ELK3: variants seen among roughly 807,000 people sequenced by gnomAD.
ELK3 encodes ETS transcription factor ELK3.
ELK3 carries 10 observed loss-of-function variants against 28.9 expected under a neutral mutation model. The observed-to-expected ratio is 0.35, with a 90% CI of 0.21 to 0.59. The LOEUF (loss-of-function observed/expected upper bound fraction) is 0.59, where lower values mean the gene tolerates loss of function less well. ELK3 is among the 20% of genes least tolerant of loss of function. The pLI is 0.82. For synonymous variants in ELK3, 272 were observed against 243.5 expected, an observed-to-expected ratio of 1.12 and a Z score of -1.09; for missense variants, 463 against 517.3, an observed-to-expected ratio of 0.90 and a Z score of 1.02.
chr12:96,223,760 A>G lies in ELK3; in HGVS notation c.194A>G (p.Tyr65Cys). The change falls in exon 2 of 5, where the codon TAC (tyrosine) becomes TGC (cysteine). Residue 65 changes from tyrosine (Y) to cysteine (C), a missense_variant. Coordinates refer to ENST00000228741, the MANE Select transcript of ELK3 (RefSeq NM_005230.4). ...GATAAGCTGAGCAGAGCCCTGCGAT[A>G]CTATTATGACAAGGTAAACCCTTGA... ...NYDKLSRALR[Y>C]YYDKNIIKKV... 1 of 1,614,098 alleles carries G rather than the reference A, an allele frequency of 6.2e-7. No individual in the cohort carries two copies. The highest frequency in any genetic ancestry group is 8.5e-7 in the Non-Finnish European group (1 of 1,180,036).
intron 1 of ELK3, among the ~76,000 whole-genome samples, chr12:96,218,316 A>G (rs12828252): frequency 0.37 from 56,277 of 152,090 alleles, 11,049 homozygotes; most frequent in East Asian, 0.59. Context: ...TAAGAGCAGC[A>G]ATGCCTTTAA....
chr12:96,247,666 G>A lies in ELK3; in HGVS notation c.934G>A (p.Gly312Ser), dbSNP rs1463843968. The A allele has an allele frequency of 5.0e-6, 8 of 1,612,082 alleles. No individual in the cohort carries two copies. The highest frequency in any genetic ancestry group is 2.2e-5 in the East Asian group (1 of 44,874). Residue 312 changes from glycine (G) to serine (S), a missense_variant, in exon 3 of 5, where the codon GGC (glycine) becomes AGC (serine). Gly to Ser is a moderately conservative substitution (Grantham distance 56). This residue lies in a region of ELK3 where 408 missense variants were observed against 414.8 expected (regional missense o/e 0.98). Coordinates refer to ENST00000228741, the MANE Select transcript of ELK3 (RefSeq NM_005230.4). The surrounding 1 kb of genome is among the most constrained non-coding windows in gnomAD (Gnocchi z 5.5). ...PPLVLSGTDI[G>S]SIALNSPALP... is the part of the protein sequence containing the mutation. The stretch of plus-strand genomic sequence containing the variant: ...GCTGGTGCTCTCCGGCACCGACATC[G>A]GCTCCATCGCCCTCAACAGCCCAGC...
At chr12:96,239,719 G>A (rs958275193) in intron 2 of ELK3, among the ~76,000 whole-genome samples, 2 of 152,174 alleles carry the variant, frequency 1.3e-5, no homozygotes, top group Non-Finnish European at 2.9e-5. Context: ...AAGTGCGCAG[G>A]GCCAGCAGCT....
chr12:96,218,284 GTGAAGGGGGCAC>G (rs1233334504), intron 1 of ELK3, among the ~76,000 whole-genome samples: 9 of 152,220 alleles, frequency 5.9e-5, no homozygotes, highest in Non-Finnish European at 1.5e-5. Flanking sequence ...AGTATCAGAT[GTGAAGGGGGCAC>G]CTCTTCCTGT....
At chr12:96,198,973 T>G (rs1951490843) in intron 1 of ELK3, among the ~76,000 whole-genome samples, 1 of 152,242 alleles carries the variant, frequency 6.6e-6, no homozygotes, top group South Asian at 2.1e-4. Context: ...TGACATAATT[T>G]CTTCATAGAC....
chr12:96,218,811 G>A (rs1050652776), intron 1 of ELK3, among the ~76,000 whole-genome samples: 5 of 151,938 alleles, frequency 3.3e-5, no homozygotes, highest in Non-Finnish European at 7.4e-5. Flanking sequence ...ACCACGCCTG[G>A]CTAATTTTTT....
intron 4 of ELK3, among the ~76,000 whole-genome samples, chr12:96,262,725 A>ATAAC (rs1435749015): frequency 5.3e-5 from 8 of 152,240 alleles, no homozygotes; most frequent in Admixed American, 3.3e-4. Flanking sequence ...TGGTAGAGGA[A>ATAAC]TAACTTTCTG....
intron 2 of ELK3, among the ~76,000 whole-genome samples, chr12:96,231,554 G>A (rs562285725): frequency 1.3e-4 from 20 of 152,244 alleles, no homozygotes; most frequent in East Asian, 1.9e-4. Context: ...GTGCAGTGGC[G>A]CGATCTCAGC....
chr12:96,242,988 T>G (rs1338570066), intron 2 of ELK3, among the ~76,000 whole-genome samples: 1 of 152,176 alleles, frequency 6.6e-6, no homozygotes, highest in African/African-American at 2.4e-5. Context: ...GTGTCCTCTC[T>G]GCTCCCCCAG....
intron 2 of ELK3, among the ~76,000 whole-genome samples, chr12:96,239,159 G>C (rs1951803166): frequency 1.3e-5 from 2 of 152,070 alleles, no homozygotes; most frequent in South Asian, 4.1e-4. Context: ...TAAGCAAAAA[G>C]AAATATGAAA....
chr12:96,215,701 TCA>T (rs2137008908), intron 1 of ELK3, among the ~76,000 whole-genome samples: 1 of 144,758 alleles, frequency 6.9e-6, no homozygotes, highest in East Asian at 2.1e-4. Flanking sequence ...AGTGGTGCAA[TCA>T]CAGCTCACTG....
intron 3 of ELK3, among the ~76,000 whole-genome samples, chr12:96,258,542 G>A (rs546951149): frequency 6.6e-6 from 1 of 152,320 alleles, no homozygotes; most frequent in Admixed American, 6.5e-5. Context: ...AGTCTGAAAG[G>A]CTGGCGCCTT....
intron 1 of ELK3, chr12:96,213,611 A>G (rs1010837797): frequency 5.3e-5 from 8 of 152,222 alleles, no homozygotes; most frequent in African/African-American, 1.9e-4. Context: ...GTTACTTCTA[A>G]TTTAGCCAGA....
chr12:96,200,110 A>AT (rs1312042063), intron 1 of ELK3, among the ~76,000 whole-genome samples: 1 of 152,060 alleles, frequency 6.6e-6, no homozygotes, highest in East Asian at 1.9e-4. Context: ...GTACATAGTG[A>AT]TTTTTTACAT....
chr12:96,200,190 G>A (rs1036606998), intron 1 of ELK3, among the ~76,000 whole-genome samples: 1 of 151,892 alleles, frequency 6.6e-6, no homozygotes, highest in African/African-American at 2.4e-5. Flanking sequence ...ATTTATTTGT[G>A]TTGGGAACAT....
At chr12:96,245,869 T>C (rs1317824244) in intron 2 of ELK3, among the ~76,000 whole-genome samples, 2 of 152,238 alleles carry the variant, frequency 1.3e-5, no homozygotes, top group Admixed American at 6.5e-5. Flanking sequence ...GCAATGATTA[T>C]TGCTTTTCAT....
chr12:96,227,491 G>A (rs2137017759), intron 2 of ELK3, among the ~76,000 whole-genome samples: 1 of 150,794 alleles, frequency 6.6e-6, no homozygotes, highest in South Asian at 2.1e-4. Flanking sequence ...TATATTTTTA[G>A]CAGAGAAAAA....
intron 1 of ELK3, among the ~76,000 whole-genome samples, chr12:96,195,127 G>T (rs1302891765): frequency 6.6e-6 from 1 of 152,204 alleles, no homozygotes; most frequent in African/African-American, 2.4e-5. Flanking sequence ...GCAGGAGCAG[G>T]CTGAGTGCCT....
chr12:96,236,467 C>T (rs1951784534), intron 2 of ELK3, among the ~76,000 whole-genome samples: 1 of 152,204 alleles, frequency 6.6e-6, no homozygotes, highest in South Asian at 2.1e-4. Context: ...AAACCTCAAC[C>T]CAAACCACAA....
Sources: allele counts gnomAD v4.1 joint callset (sites outside exome capture counted in the v4.1 genomes callset), GRCh38; gene constraint gnomAD v4.1.1; regional missense constraint gnomAD v4.1.1; non-coding constraint Gnocchi (gnomAD v3.1); transcripts MANE v1.5; gene names NCBI Gene and HGNC (gene_info 2026-07-23, HGNC 2026-07-21).